Variants in TRMT11 observed in about 807,000 individuals in gnomAD.
TRMT11 encodes tRNA (guanine(10)-N(2))-methyltransferase TRMT11.
Under a neutral mutation model 62.8 loss-of-function variants are expected in TRMT11, and 53 were observed. The observed-to-expected ratio is 0.84, with a 90% CI of 0.68 to 1.06. The LOEUF is 1.06. TRMT11 is among the 50% of genes least tolerant of loss of function. TRMT11 has a pLI of 0.00. For missense variants in TRMT11, 556 were observed against 553.4 expected (o/e 1.00, Z -0.05); for synonymous variants, 188 against 190.3 (o/e 0.99, Z 0.10).
downstream of TRMT11, among the ~76,000 whole-genome samples, chr6:126,040,661 C>T (rs1775849685): frequency 6.6e-6 from 1 of 151,888 alleles, no homozygotes; most frequent in African/African-American, 2.4e-5. Flanking sequence ...TTCAGAAAGT[C>T]CTGTAGTTTG....
downstream of TRMT11, among the ~76,000 whole-genome samples, chr6:126,208,744 T>C (rs1308758951): frequency 1.3e-5 from 2 of 152,244 alleles, no homozygotes; most frequent in Non-Finnish European, 2.9e-5. Context: ...TAGAAACAAC[T>C]TTCTCAATCA....
chr6:126,182,403 C>T (rs917461761), intron 1 of TRMT11, among the ~76,000 whole-genome samples: 6 of 151,780 alleles, frequency 4.0e-5, no homozygotes, highest in South Asian at 4.2e-4. Flanking sequence ...GTCGTTTCTT[C>T]AAGAGGATTT....
chr6:126,099,530 C>T (rs569253266), intron 17 of TRMT11, among the ~76,000 whole-genome samples: 52 of 152,216 alleles, frequency 3.4e-4, no homozygotes, highest in African/African-American at 1.2e-3. Flanking sequence ...CTCTACCTTC[C>T]GAGGTCAGGA....
At chr6:126,141,582 A>G (rs192826649) in intron 21 of TRMT11, among the ~76,000 whole-genome samples, 4 of 152,274 alleles carry the variant, frequency 2.6e-5, no homozygotes, top group Admixed American at 2.0e-4. Flanking sequence ...TGTGAGAAGA[A>G]TGGTCAGGAG....
chr6:126,269,940 A>G, the TRMT11 span, among the ~76,000 whole-genome samples: 2 of 152,206 alleles, frequency 1.3e-5, no homozygotes, highest in Admixed American at 6.5e-5. Context: ...GAGTGGTGGA[A>G]GGGATGGGGA....
At chr6:126,037,527 A>G (rs954533311) in intron 12 of TRMT11, among the ~76,000 whole-genome samples, 7 of 152,168 alleles carry the variant, frequency 4.6e-5, no homozygotes, top group African/African-American at 1.7e-4. Flanking sequence ...TGGAACTGTA[A>G]TATACTTGGG....
intron 17 of TRMT11, among the ~76,000 whole-genome samples, chr6:126,077,227 T>G (rs932316058): frequency 2.0e-5 from 3 of 152,242 alleles, no homozygotes; most frequent in Non-Finnish European, 4.4e-5. Context: ...TAATTATTTG[T>G]CTTTATTTAG....
intron 7 of TRMT11, among the ~76,000 whole-genome samples, chr6:126,000,695 G>A (rs1162652453): frequency 6.6e-6 from 1 of 152,116 alleles, no homozygotes; most frequent in Non-Finnish European, 1.5e-5. Flanking sequence ...ATATGCTTAG[G>A]AAGAAGTAGT....
chr6:126,171,541 C>A (rs775726041), intron 21 of TRMT11, among the ~76,000 whole-genome samples: 1 of 151,936 alleles, frequency 6.6e-6, no homozygotes, highest in Non-Finnish European at 1.5e-5. Context: ...TTTAAGAAAA[C>A]TTGAAACCAA....
chr6:125,998,972 C>CT lies in TRMT11; in HGVS notation c.522+297dup, dbSNP rs1254290705. ...CTGTTTTTTTTTTTTTTGTTTGTTT[C>CT]TTTTTTTTTATAAAGCAGAGAAAAC... is the stretch of plus-strand genomic sequence containing the variant. On this transcript the variant is annotated intron_variant, in intron 6 of 12. Transcript: ENST00000334379. 4.5e-3 allele frequency among the ~76,000 whole-genome samples: 620 copies of CT among 137,864 alleles called. 3 individuals are homozygous for CT. The highest frequency in any genetic ancestry group is 4.5e-3 in the Non-Finnish European group (279 of 62,106). 90.4% of individuals were successfully genotyped at this position (137,864 alleles called of 152,430 possible).
chr6:126,223,375 C>T, the TRMT11 span, among the ~76,000 whole-genome samples: 3 of 151,972 alleles, frequency 2.0e-5, no homozygotes, highest in Admixed American at 6.6e-5. Flanking sequence ...GAGCCAAGAT[C>T]GCGTCACTGC....
intron 8 of TRMT11, among the ~76,000 whole-genome samples, chr6:126,010,587 G>A (rs1794030277): frequency 6.6e-6 from 1 of 152,034 alleles, no homozygotes; most frequent in African/African-American, 2.4e-5. Context: ...TCAACTACCT[G>A]CTGAATGTCC....
At chr6:126,053,664 C>T (rs1200637563) in intron 17 of TRMT11, among the ~76,000 whole-genome samples, 6 of 152,170 alleles carry the variant, frequency 3.9e-5, no homozygotes, top group Admixed American at 1.3e-4. Context: ...GCCTCCTGAA[C>T]GACCCTGGTC....
intron 17 of TRMT11, among the ~76,000 whole-genome samples, chr6:126,087,143 C>G (rs756382696): frequency 1.3e-5 from 2 of 152,160 alleles, no homozygotes; most frequent in Non-Finnish European, 2.9e-5. Context: ...CAATTATAAA[C>G]CATCATAAGC....
chr6:126,041,254 G>A (rs1420745335), downstream of TRMT11, among the ~76,000 whole-genome samples: 11 of 152,270 alleles, frequency 7.2e-5, no homozygotes, highest in South Asian at 6.2e-4. Flanking sequence ...ATCACGGGAG[G>A]CATTGTAGTG....
the TRMT11 span, among the ~76,000 whole-genome samples, chr6:126,256,352 C>A: frequency 1.3e-5 from 2 of 152,178 alleles, no homozygotes; most frequent in East Asian, 3.8e-4. Flanking sequence ...ATGGAGTCTG[C>A]ATTTTCACCT....
chr6:126,226,498 A>T, the TRMT11 span, among the ~76,000 whole-genome samples: 1 of 152,144 alleles, frequency 6.6e-6, no homozygotes, highest in Admixed American at 6.5e-5. Flanking sequence ...CATTAAAGAA[A>T]ATTTCTTGCT....
chr6:125,989,776 A>T (rs1357323864), intron 1 of TRMT11, among the ~76,000 whole-genome samples: 4 of 152,210 alleles, frequency 2.6e-5, no homozygotes, highest in Admixed American at 1.3e-4. Flanking sequence ...GAAAATCTTT[A>T]GTCGGGCATT....
chr6:126,216,328 T>C, the TRMT11 span, among the ~76,000 whole-genome samples: 3 of 152,282 alleles, frequency 2.0e-5, no homozygotes, highest in Non-Finnish European at 4.4e-5. Flanking sequence ...TAGGCACTTA[T>C]CTGTAAACTT....
Sources: gnomAD v4.1 joint callset for allele counts (sites outside exome capture counted in the v4.1 genomes callset) on GRCh38, gnomAD v4.1.1 for gene constraint, MANE v1.5 for transcripts, NCBI Gene and HGNC (gene_info 2026-07-23, HGNC 2026-07-21) for gene names.